Variants in DACH2 observed in about 807,000 individuals in gnomAD.
DACH2 encodes the protein dachshund family transcription factor 2.
In DACH2, 17 loss-of-function variants were observed where a neutral mutation model predicts 35.8. The observed-to-expected ratio is 0.48, with a 90% CI of 0.33 to 0.71. DACH2 has a LOEUF of 0.71. DACH2 is among the 30% of genes least tolerant of loss of function. The pLI, the probability that DACH2 is intolerant of heterozygous loss-of-function variation, is 0.02. For missense variants in DACH2, 469 were observed against 472.7 expected (o/e 0.99, Z 0.07); for synonymous variants, 195 against 177.3 (o/e 1.10, Z -0.79).
chrX:86,571,770 T>C (rs897964245), intron 3 of DACH2, among the ~76,000 whole-genome samples: 3 of 110,976 alleles, frequency 2.7e-5, no homozygotes, highest in African/African-American at 9.8e-5. Flanking sequence ...ATTAAAGTAA[T>C]TAATTTCTTC....
intron 7 of DACH2, among the ~76,000 whole-genome samples, chrX:86,790,542 CTTTG>C (rs1440673372): frequency 5.4e-5 from 6 of 111,676 alleles, no homozygotes; most frequent in East Asian, 2.8e-4. Flanking sequence ...ACATATAACT[CTTTG>C]TTTATTTGTT....
At chrX:86,588,824 C>A (rs966555937) in intron 3 of DACH2, among the ~76,000 whole-genome samples, 1 of 111,012 alleles carries the variant, frequency 9.0e-6, no homozygotes, top group African/African-American at 3.3e-5. Context: ...ATTTTGACTT[C>A]CTCTCTTCCT....
chrX:86,436,863 G>A (rs1438181830), intron 2 of DACH2, among the ~76,000 whole-genome samples: 1 of 111,426 alleles, frequency 9.0e-6, no homozygotes, highest in Non-Finnish European at 1.9e-5. Flanking sequence ...ATGAAATTTG[G>A]TAGATGTGTC....
chrX:86,160,676 A>T, intron 1 of DACH2: 1 of 495,366 alleles, frequency 2.0e-6, no homozygotes, highest in Non-Finnish European at 3.7e-6. Flanking sequence ...CTTGACAGAC[A>T]CATTCTTGAT....
chrX:86,641,552 C>T (rs1233082766), intron 3 of DACH2, among the ~76,000 whole-genome samples: 5 of 112,001 alleles, frequency 4.5e-5, no homozygotes, highest in Non-Finnish European at 9.4e-5. Flanking sequence ...TTCATGAAAA[C>T]TTCCCAACCT....
chrX:86,745,398 G>C (rs12008935), intron 7 of DACH2, among the ~76,000 whole-genome samples: 8,205 of 110,563 alleles, frequency 0.074, 723 homozygotes, highest in African/African-American at 0.26. Context: ...TGTAGTTTTT[G>C]AATCCTCTCC....
At chrX:86,276,662 G>A (rs1337190865) in intron 1 of DACH2, among the ~76,000 whole-genome samples, 1 of 111,720 alleles carries the variant, frequency 9.0e-6, no homozygotes, top group East Asian at 2.8e-4. Flanking sequence ...TTCATATTTT[G>A]AGGACTTAGA....
At chrX:86,483,941 T>C (rs1404780884) in intron 2 of DACH2, among the ~76,000 whole-genome samples, 1 of 111,959 alleles carries the variant, frequency 8.9e-6, no homozygotes, top group Non-Finnish European at 1.9e-5. Context: ...TCACCACTCT[T>C]TCTCTATTTT....
At chrX:86,209,256 G>A (rs1167387094) in intron 1 of DACH2, among the ~76,000 whole-genome samples, 1 of 111,294 alleles carries the variant, frequency 9.0e-6, no homozygotes, top group Non-Finnish European at 1.9e-5. Flanking sequence ...AAGAGTGTCT[G>A]GGATGCCAGG....
intron 3 of DACH2, among the ~76,000 whole-genome samples, chrX:86,518,083 A>C (rs1046496786): frequency 8.9e-6 from 1 of 112,159 alleles, no homozygotes; most frequent in African/African-American, 3.2e-5. Flanking sequence ...ATATGGTGTA[A>C]GGAAGGGGTC....
At chrX:86,673,444 T>C (rs1403679071) in intron 4 of DACH2, among the ~76,000 whole-genome samples, 1 of 110,877 alleles carries the variant, frequency 9.0e-6, no homozygotes, top group Non-Finnish European at 1.9e-5. Context: ...TACCCCTTTG[T>C]TTGGGCTTAT....
intron 3 of DACH2, among the ~76,000 whole-genome samples, chrX:86,538,072 G>T (rs534971066): frequency 4.5e-5 from 5 of 110,708 alleles, no homozygotes; most frequent in African/African-American, 1.6e-4. Flanking sequence ...CAGCCCACCT[G>T]CACCCAGGTG....
At chrX:86,326,247 T>G (rs184474035) in intron 1 of DACH2, among the ~76,000 whole-genome samples, 1,980 of 110,256 alleles carry the variant, frequency 0.018, 25 homozygotes, top group Non-Finnish European at 0.029. Flanking sequence ...GAGGCTGAGA[T>G]GGGTGAATCA....
rs753181886 is a variant in DACH2 at position 86,705,050 on chromosome X, C to CAT, written c.932-9483_932-9482dup. Among the ~76,000 whole-genome samples the CAT allele has an allele frequency of 9.3e-4, 70 of 75,210 alleles. No homozygotes were observed. The East Asian group carries it at 0.019, about 20-fold the overall frequency. The allele number at this position is 75,210 out of a possible 115,157, so 65.3% of individuals were successfully genotyped here. Reference sequence around the variant, plus strand: ...TTGTTATATATATATATATATCTCACATATATATATATATATCTCACATAT... The same window carrying CAT: ...TTGTTATATATATATATATATCTCACATATATATATATATATATCTCACATAT... On this transcript the variant is annotated intron_variant, in intron 5 of 11. Transcript: ENST00000373125.
chrX:86,543,336 T>A (rs1251109715), intron 3 of DACH2, among the ~76,000 whole-genome samples: 1 of 111,667 alleles, frequency 9.0e-6, no homozygotes, highest in African/African-American at 3.3e-5. Context: ...ATCCAAAGGA[T>A]AGCAACTTCA....
intron 1 of DACH2, among the ~76,000 whole-genome samples, chrX:86,188,780 G>A (rs753952706): frequency 8.0e-5 from 9 of 112,171 alleles, no homozygotes; most frequent in African/African-American, 9.7e-5. Flanking sequence ...GATTCTCCCC[G>A]AAAGGAACCA....
chrX:86,651,566 G>C (rs919443207), intron 4 of DACH2, among the ~76,000 whole-genome samples: 2 of 111,564 alleles, frequency 1.8e-5, no homozygotes, highest in African/African-American at 6.5e-5. Context: ...TTTTCAGCTG[G>C]AGTACCACTT....
chrX:86,427,591 T>C (rs1224730181), intron 2 of DACH2, among the ~76,000 whole-genome samples: 1 of 111,446 alleles, frequency 9.0e-6, no homozygotes. Flanking sequence ...CTCTAAACTT[T>C]AGGTATTCTT....
At chrX:86,706,244 A>C (rs1010237802) in intron 5 of DACH2, among the ~76,000 whole-genome samples, 2 of 111,481 alleles carry the variant, frequency 1.8e-5, no homozygotes, top group African/African-American at 6.5e-5. Context: ...CGAAGCTATT[A>C]AAATACGAAA....
Sources: gnomAD v4.1 joint callset for allele counts (sites outside exome capture counted in the v4.1 genomes callset) on GRCh38, gnomAD v4.1.1 for gene constraint, MANE v1.5 for transcripts, NCBI Gene and HGNC (gene_info 2026-07-23, HGNC 2026-07-21) for gene names.